The following RBFOX1 variants were observed in gnomAD, a reference collection of about 807,000 sequenced individuals.
RBFOX1 encodes RNA binding fox-1 homolog 1, also known as RNA binding protein fox-1 homolog 1.
A neutral mutation model predicts 57.7 loss-of-function variants in RBFOX1; 8 were observed. That is an observed-to-expected ratio of 0.14 (90% CI 0.08 to 0.25). The LOEUF (loss-of-function observed/expected upper bound fraction) is 0.25. RBFOX1 is among the 10% of genes least tolerant of loss of function. The probability of loss-of-function intolerance (pLI) is 1.00; values close to 1 mark genes in which losing one functional copy is unlikely to be tolerated. For missense variants in RBFOX1, 611 were observed against 548.5 expected (o/e 1.11, Z -1.14); for synonymous variants, 326 against 222.4 (o/e 1.47, Z -4.15).
chr16:5,585,391 T>C (rs1052412966), intron 2 of RBFOX1, among the ~76,000 whole-genome samples: 4 of 152,362 alleles, frequency 2.6e-5, no homozygotes, highest in East Asian at 3.9e-4. Flanking sequence ...AGCCATGTTT[T>C]ATTGATCTGT....
intron 1 of RBFOX1, among the ~76,000 whole-genome samples, chr16:5,355,824 C>G (rs1390455336): frequency 2.6e-5 from 4 of 152,144 alleles, no homozygotes; most frequent in African/African-American, 7.2e-5. Flanking sequence ...GGTGCAATGC[C>G]TTATGCATGT....
intron 2 of RBFOX1, among the ~76,000 whole-genome samples, chr16:6,498,104 T>C (rs2095822071): frequency 6.6e-6 from 1 of 151,686 alleles, no homozygotes; most frequent in African/African-American, 2.4e-5. Flanking sequence ...TTATAAAAAA[T>C]AGCCGGGCAT....
At chr16:6,899,166 GTATGTGTGTGTATAA>G (rs1020729472) in intron 3 of RBFOX1, among the ~76,000 whole-genome samples, 1 of 144,354 alleles carries the variant, frequency 6.9e-6, no homozygotes, top group Non-Finnish European at 1.5e-5. Context: ...TGTAACATGT[GTATGTGTGTGTATAA>G]TATGTGTGTG....
intron 2 of RBFOX1, among the ~76,000 whole-genome samples, chr16:6,496,040 C>G (rs531556525): frequency 9.9e-5 from 15 of 152,170 alleles, no homozygotes; most frequent in South Asian, 6.2e-4. Context: ...ATGTGGAAGA[C>G]AAGAACAAGC....
At chr16:6,492,107 A>C (rs1267409642) in intron 2 of RBFOX1, among the ~76,000 whole-genome samples, 1 of 117,888 alleles carries the variant, frequency 8.5e-6, no homozygotes, top group African/African-American at 3.1e-5. Flanking sequence ...ATAAATAGCA[A>C]GTATATGAAA....
intron 3 of RBFOX1, among the ~76,000 whole-genome samples, chr16:7,022,003 T>TCCTTC (rs2039350744): frequency 1.5e-4 from 1 of 6,878 alleles, no homozygotes; most frequent in Non-Finnish European, 2.1e-4. Context: ...CCTCCCCCTC[T>TCCTTC]CCCTCCCCTT....
At chr16:6,840,194 A>G (rs2093380826) in intron 3 of RBFOX1, among the ~76,000 whole-genome samples, 1 of 152,208 alleles carries the variant, frequency 6.6e-6, no homozygotes, top group Admixed American at 6.5e-5. Context: ...ACCATAAATC[A>G]CTGGAAATTC....
At chr16:6,617,404 C>T (rs918055609) in intron 2 of RBFOX1, among the ~76,000 whole-genome samples, 1 of 151,992 alleles carries the variant, frequency 6.6e-6, no homozygotes, top group Non-Finnish European at 1.5e-5. Context: ...GGAATTATGA[C>T]ACTCATGCAG....
intron 2 of RBFOX1, among the ~76,000 whole-genome samples, chr16:5,583,363 G>A (rs1041989846): frequency 6.6e-6 from 1 of 152,220 alleles, no homozygotes; most frequent in Admixed American, 6.5e-5. Flanking sequence ...AATAATAGCT[G>A]AGTGTTGGCC....
chr16:7,231,681 A>G (rs1357971275), intron 4 of RBFOX1, among the ~76,000 whole-genome samples: 1 of 152,252 alleles, frequency 6.6e-6, no homozygotes, highest in Non-Finnish European at 1.5e-5. Context: ...TGGATGAACA[A>G]AATGTGGTCT....
At chr16:6,410,862 G>A (rs1320324261) in intron 2 of RBFOX1, among the ~76,000 whole-genome samples, 1 of 152,180 alleles carries the variant, frequency 6.6e-6, no homozygotes, top group Admixed American at 6.5e-5. Flanking sequence ...AAGTCACTTA[G>A]CCCCTCTGAG....
At chr16:6,697,622 G>A (rs1005108326) in intron 3 of RBFOX1, among the ~76,000 whole-genome samples, 3 of 152,196 alleles carry the variant, frequency 2.0e-5, no homozygotes, top group African/African-American at 7.2e-5. Context: ...GAATGATGAT[G>A]TGGGAGCACC....
At chr16:5,860,457 AG>A (rs1225542746) in intron 3 of RBFOX1, among the ~76,000 whole-genome samples, 2 of 152,204 alleles carry the variant, frequency 1.3e-5, no homozygotes, top group African/African-American at 4.8e-5. Context: ...AATTGGTTCA[AG>A]AAAAGAGTTG....
intron 1 of RBFOX1, among the ~76,000 whole-genome samples, chr16:5,335,394 G>A (rs1451539161): frequency 1.3e-5 from 2 of 152,186 alleles, no homozygotes; most frequent in Non-Finnish European, 2.9e-5. Flanking sequence ...AGGGAGAAAG[G>A]TGGAGGCTGG....
intron 2 of RBFOX1, among the ~76,000 whole-genome samples, chr16:5,517,133 G>A (rs1413582930): frequency 3.3e-5 from 5 of 152,110 alleles, no homozygotes; most frequent in African/African-American, 9.7e-5. Context: ...TGGTCAGAAA[G>A]AGGATGCTGC....
At chr16:6,366,021 T>C (rs2089538442) in intron 2 of RBFOX1, among the ~76,000 whole-genome samples, 1 of 151,764 alleles carries the variant, frequency 6.6e-6, no homozygotes, top group Admixed American at 6.6e-5. Context: ...GAAGCCACAT[T>C]CTAACTTCTT....
At chr16:7,640,250 C>G (rs1269524588) in intron 11 of RBFOX1, among the ~76,000 whole-genome samples, 1 of 152,210 alleles carries the variant, frequency 6.6e-6, no homozygotes, top group African/African-American at 2.4e-5. Context: ...AGAATTAAAA[C>G]CACTAGTAGA....
At chr16:7,583,329 G>C (rs1372707736) in intron 6 of RBFOX1, among the ~76,000 whole-genome samples, 1 of 152,066 alleles carries the variant, frequency 6.6e-6, no homozygotes, top group Non-Finnish European at 1.5e-5. Context: ...TAGTTTTATA[G>C]GTGGCTACTT....
chr16:7,507,561 CTTTCTTTTTTTT>C (rs1215727784), intron 4 of RBFOX1, among the ~76,000 whole-genome samples: 2 of 122,904 alleles, frequency 1.6e-5, no homozygotes, highest in Non-Finnish European at 3.4e-5. Context: ...TTTTTTCTTT[CTTTCTTTTTTTT>C]TTTTTTTTGA....
Sources: allele counts gnomAD v4.1 joint callset (sites outside exome capture counted in the v4.1 genomes callset), GRCh38; gene constraint gnomAD v4.1.1; transcripts MANE v1.5; gene names NCBI Gene and HGNC (gene_info 2026-07-23, HGNC 2026-07-21).